The following XXYLT1 variants were observed in gnomAD, a reference collection of about 807,000 sequenced individuals.
The protein encoded by XXYLT1 is xyloside xylosyltransferase 1, also known as UDP-xylose:alpha-xyloside alpha-1,3-xylosyltransferase.
Under a neutral mutation model 28.9 loss-of-function variants are expected in XXYLT1, and 20 were observed. The observed-to-expected ratio is 0.69, with a 90% CI of 0.49 to 1.00. XXYLT1 has a LOEUF of 1.00. XXYLT1 is among the 50% of genes least tolerant of loss of function. The probability of loss-of-function intolerance (pLI) is 0.00; values close to 1 mark genes in which losing one functional copy is unlikely to be tolerated. For synonymous variants in XXYLT1, 257 were observed against 253.8 expected, an observed-to-expected ratio of 1.01 and a Z score of -0.12; for missense variants, 542 against 560.1, an observed-to-expected ratio of 0.97 and a Z score of 0.33.
At chr3:195,135,945 A>T (rs1560113101) in intron 3 of XXYLT1, among the ~76,000 whole-genome samples, 1 of 152,122 alleles carries the variant, frequency 6.6e-6, no homozygotes, top group Non-Finnish European at 1.5e-5. Flanking sequence ...ATAATGACCA[A>T]CATTCCCTCT....
chr3:195,231,208 T>C (rs78990979), intron 1 of XXYLT1, among the ~76,000 whole-genome samples: 3,178 of 152,324 alleles, frequency 0.021, 54 homozygotes, highest in Non-Finnish European at 0.031. Context: ...ATGATTTTTG[T>C]ATGTTGAATT....
chr3:195,154,876 G>C (rs2108679858), intron 3 of XXYLT1, among the ~76,000 whole-genome samples: 1 of 152,350 alleles, frequency 6.6e-6, no homozygotes, highest in East Asian at 1.9e-4. Context: ...GGAAGTGAGG[G>C]TGCTACGGAC....
At chr3:195,193,692 T>G (rs1344602876) in intron 2 of XXYLT1, among the ~76,000 whole-genome samples, 1 of 152,226 alleles carries the variant, frequency 6.6e-6, no homozygotes, top group Non-Finnish European at 1.5e-5. Context: ...GAAAGGCTTA[T>G]AGATCAATGC....
intron 1 of XXYLT1, among the ~76,000 whole-genome samples, chr3:195,230,841 C>G (rs1196866555): frequency 1.3e-5 from 2 of 152,100 alleles, no homozygotes; most frequent in African/African-American, 4.8e-5. Context: ...TCTTTCTGCT[C>G]AAGATAGCTT....
chr3:195,247,685 G>C (rs910796012), intron 1 of XXYLT1: 32 of 614,706 alleles, frequency 5.2e-5, no homozygotes, highest in Non-Finnish European at 9.5e-5. Flanking sequence ...GGCAGGCTCA[G>C]CTGCTGTATT....
At position 195,173,229 on chromosome 3, in the gene XXYLT1, T is replaced by A. The variant is rs1721497379; in HGVS notation, c.653-16648A>T. ...CTAGGGAACCGCATCTCCCCTGCATTTTAGGTCCCCTGGCTAACTTTTGTG... is the reference window on the plus strand; with the variant it reads ...CTAGGGAACCGCATCTCCCCTGCATATTAGGTCCCCTGGCTAACTTTTGTG... On this transcript the variant is annotated intron_variant, in intron 2 of 3. Transcript: ENST00000310380. The surrounding 1 kb of genome is among the most constrained non-coding windows in gnomAD (Gnocchi z 4.3). Among the ~76,000 whole-genome samples, 5 of 152,154 alleles carry A rather than the reference T, an allele frequency of 3.3e-5. No individual in the cohort carries two copies. Among genetic ancestry groups the A allele is most frequent in the Non-Finnish European group, 7.4e-5 (5 of 68,020 alleles).
In XXYLT1 at chr3:195,121,566, C is replaced by T. The variant is rs535765690; in HGVS notation, c.785+34883G>A. Among the ~76,000 whole-genome samples the T allele has an allele frequency of 3.3e-5, 5 of 152,322 alleles. No homozygotes were observed. The East Asian group carries it at 5.8e-4, about 18-fold the overall frequency. On this transcript the variant is annotated intron_variant, in intron 3 of 3. Coordinates refer to ENST00000310380, the MANE Select transcript of XXYLT1 (RefSeq NM_152531.5). Reference sequence around the variant, plus strand: ...TCTCATCTTTTCTGCCCCTACGCCCCACTCTAAAACCTTCCTCAGTCACAC... The same window carrying T: ...TCTCATCTTTTCTGCCCCTACGCCCTACTCTAAAACCTTCCTCAGTCACAC...
At chr3:195,259,766 G>T (rs1181499348) in intron 1 of XXYLT1, 1 of 741,416 alleles carries the variant, frequency 1.3e-6, no homozygotes, top group Non-Finnish European at 1.6e-6. Flanking sequence ...ATTCCCCACC[G>T]GCGCCAGGAT....
chr3:195,088,239 G>C (rs1715888885), intron 3 of XXYLT1, among the ~76,000 whole-genome samples: 1 of 151,466 alleles, frequency 6.6e-6, no homozygotes, highest in African/African-American at 2.4e-5. Context: ...GCAGGGCACA[G>C]ACAAACAAAA....
At position 195,115,581 on chromosome 3, in the gene XXYLT1, C is replaced by T. The variant is rs897650666; in HGVS notation, c.785+40868G>A. Among the ~76,000 whole-genome samples the T allele has an allele frequency of 7.2e-5, 11 of 152,210 alleles. No individual in the cohort carries two copies. Among genetic ancestry groups the T allele is most frequent in the Non-Finnish European group, 1.3e-4 (9 of 68,036 alleles). ...AACCCTGCCTGGCAAACCGAGCACG[C>T]GTGAAGGCCTCAGGAGCCACAGTGG... On this transcript the variant is annotated intron_variant, in intron 3 of 3. Coordinates refer to ENST00000310380, the MANE Select transcript of XXYLT1 (RefSeq NM_152531.5). The surrounding 1 kb of genome is among the most constrained non-coding windows in gnomAD (Gnocchi z 4.2).
At chr3:195,161,442 T>TG (rs1720864914) in intron 2 of XXYLT1, among the ~76,000 whole-genome samples, 1 of 152,096 alleles carries the variant, frequency 6.6e-6, no homozygotes, top group African/African-American at 2.4e-5. Context: ...CTCTGTGCAG[T>TG]GGCTGGGGCT....
At chr3:195,095,905 C>T (rs1282534627) in intron 3 of XXYLT1, 1 of 152,194 alleles carries the variant, frequency 6.6e-6, no homozygotes, top group Non-Finnish European at 1.5e-5. Context: ...CTCTCTTTCC[C>T]TGCCCTGTTT....
chr3:195,104,042 C>T (rs150734308), intron 3 of XXYLT1, among the ~76,000 whole-genome samples: 717 of 152,214 alleles, frequency 4.7e-3, no homozygotes, highest in African/African-American at 0.012. Context: ...GGTGTTTGGG[C>T]GCCTTTTTAG....
chr3:195,110,157 T>TGTGGTGGTGTA (rs1717454406), intron 3 of XXYLT1, among the ~76,000 whole-genome samples: 1 of 30,388 alleles, frequency 3.3e-5, no homozygotes, highest in Non-Finnish European at 7.8e-5. Context: ...TGTCTGTGTG[T>TGTGGTGGTGTA]TGTGTGTGGT....
At chr3:195,101,630 T>C (rs547650297) in intron 3 of XXYLT1, among the ~76,000 whole-genome samples, 1 of 152,102 alleles carries the variant, frequency 6.6e-6, no homozygotes, top group East Asian at 1.9e-4. Flanking sequence ...ATCTGGCCCC[T>C]TTTAAAGATG....
chr3:195,102,010 A>G (rs1047461185), intron 3 of XXYLT1, among the ~76,000 whole-genome samples: 1 of 136,818 alleles, frequency 7.3e-6, no homozygotes, highest in East Asian at 2.2e-4. Flanking sequence ...GAAAGAAAGT[A>G]AAGAAACAGA....
At chr3:195,083,273 G>A (rs995940164) in intron 3 of XXYLT1, among the ~76,000 whole-genome samples, 2 of 152,080 alleles carry the variant, frequency 1.3e-5, no homozygotes, top group African/African-American at 2.4e-5. Context: ...TGCGTATACC[G>A]AGCCTGTCTA....
chr3:195,202,041 G>A (rs113209607), intron 2 of XXYLT1, among the ~76,000 whole-genome samples: 1 of 152,054 alleles, frequency 6.6e-6, no homozygotes, highest in Non-Finnish European at 1.5e-5. Flanking sequence ...GCCAGGTGTG[G>A]TGGTGTGCAC....
intron 1 of XXYLT1, among the ~76,000 whole-genome samples, chr3:195,234,955 G>C (rs1724471113): frequency 6.6e-6 from 1 of 150,780 alleles, no homozygotes; most frequent in Admixed American, 6.7e-5. Flanking sequence ...TTCTACTGCT[G>C]TCTCTCTCTC....
Sources: gnomAD v4.1 joint callset for allele counts (sites outside exome capture counted in the v4.1 genomes callset) on GRCh38, gnomAD v4.1.1 for gene constraint, Gnocchi (gnomAD v3.1) non-coding constraint, MANE v1.5 for transcripts, NCBI Gene and HGNC (gene_info 2026-07-23, HGNC 2026-07-21) for gene names.